TRPM3: variants seen among roughly 807,000 people sequenced by gnomAD.
The protein encoded by TRPM3 is transient receptor potential cation channel subfamily M member 3.
Under a neutral mutation model 181.2 loss-of-function variants are expected in TRPM3, and 77 were observed. The ratio of observed to expected loss-of-function variants is 0.42; its 90% confidence interval spans 0.35 to 0.51. The LOEUF is 0.51. Among genes scored for constraint, TRPM3 ranks in the 20% least tolerant of loss-of-function variants. The probability of loss-of-function intolerance (pLI) is 0.01; values close to 1 mark genes in which losing one functional copy is unlikely to be tolerated. For missense variants in TRPM3, 1,759 were observed against 2,196.7 expected, an observed-to-expected ratio of 0.80 and a Z score of 3.98; for synonymous variants, 745 against 796.4, an observed-to-expected ratio of 0.94 and a Z score of 1.09.
chr9:71,059,330 C>T lies in TRPM3; in HGVS notation c.177+61848G>A, dbSNP rs117046020. Among the ~76,000 whole-genome samples the T allele has an allele frequency of 4.9e-3, 745 of 151,984 alleles. 18 individuals are homozygous for T. In the East Asian group the frequency reaches 0.077, roughly 16 times the overall value. ...GTATATATGCCCAATGCAAACAAGT[C>T]AGTATAGTCTGGCTATTTATTAAAA... On this transcript the variant is annotated intron_variant, in intron 1 of 25. Coordinates refer to ENST00000677713, the MANE Select transcript of TRPM3 (RefSeq NM_001366145.2).
At chr9:71,194,727 T>C (rs189972204) in intron 1 of TRPM3, among the ~76,000 whole-genome samples, 15 of 152,056 alleles carry the variant, frequency 9.9e-5, no homozygotes, top group African/African-American at 1.4e-4. Flanking sequence ...AAATATGTTT[T>C]AGCCATAAAC....
At chr9:70,862,122 C>A (rs1474015257) in intron 3 of TRPM3, among the ~76,000 whole-genome samples, 1 of 152,066 alleles carries the variant, frequency 6.6e-6, no homozygotes, top group Non-Finnish European at 1.5e-5. Context: ...CCATGACACG[C>A]CTAAGAACAG....
intron 19 of TRPM3, among the ~76,000 whole-genome samples, chr9:70,610,161 ACG>A (rs1328126609): frequency 2.6e-5 from 4 of 151,412 alleles, no homozygotes; most frequent in Non-Finnish European, 4.4e-5. Context: ...ATGCACACAC[ACG>A]CATGCATACA....
intron 1 of TRPM3, among the ~76,000 whole-genome samples, chr9:71,279,751 GT>G (rs2132182850): frequency 6.6e-6 from 1 of 152,262 alleles, no homozygotes; most frequent in Non-Finnish European, 1.5e-5. Context: ...GCTGACTGAT[GT>G]TTTTTCAAAG....
At chr9:70,552,748 G>A in intron 24 of TRPM3, 96 bp downstream of exon 24, 9 of 1,286,032 alleles carry the variant, frequency 7.0e-6, no homozygotes, top group South Asian at 1.2e-5. Flanking sequence ...GCAAGAGGTA[G>A]GAGGAACTAG....
chr9:71,253,770 T>C (rs936837683), intron 1 of TRPM3, among the ~76,000 whole-genome samples: 6 of 152,276 alleles, frequency 3.9e-5, no homozygotes, highest in Admixed American at 2.0e-4. Flanking sequence ...CTTGCAGCAA[T>C]ATTCACAGTA....
At chr9:70,960,737 A>T (rs2097128405) in intron 1 of TRPM3, among the ~76,000 whole-genome samples, 1 of 152,166 alleles carries the variant, frequency 6.6e-6, no homozygotes, top group African/African-American at 2.4e-5. Flanking sequence ...CATACCAGAG[A>T]CATGCAAATG....
At chr9:71,432,227 C>T (rs2093965722) in intron 1 of TRPM3, among the ~76,000 whole-genome samples, 1 of 151,784 alleles carries the variant, frequency 6.6e-6, no homozygotes, top group South Asian at 2.1e-4. Context: ...ATCGGTGGAC[C>T]CAAAGGCCTC....
chr9:70,662,428 T>C (rs2061260015), intron 9 of TRPM3, among the ~76,000 whole-genome samples: 1 of 151,728 alleles, frequency 6.6e-6, no homozygotes, highest in Admixed American at 6.6e-5. Context: ...TGCTTCTTCA[T>C]AGCAAAAGAA....
chr9:70,581,309 A>G (rs562054796), intron 22 of TRPM3, among the ~76,000 whole-genome samples: 1 of 152,342 alleles, frequency 6.6e-6, no homozygotes, highest in East Asian at 1.9e-4. Flanking sequence ...ACTCATCTTG[A>G]ACCTTAGGCC....
chr9:71,121,286 C>A lies in TRPM3; in HGVS notation c.69G>T (p.Trp23Cys), dbSNP rs753334247. Residue 23 changes from tryptophan to cysteine, a missense_variant, in exon 1 of 26, where the codon TGG becomes TGT. Trp to Cys is a radical substitution (Grantham distance 215). Around this residue, in one of 8 missense-constraint regions of TRPM3, gnomAD observed 737 missense variants for 957.4 expected, o/e 0.77. Transcript: ENST00000677713. ...IAQVFSFLFS[W>C]WNLEGVMNQA... ...GATTCATGACCCCTTCCAAATTCCA[C>A]CAGGAAAACAAGAAACTGAAAACCT... 1 of 1,614,074 alleles carries A rather than the reference C, an allele frequency of 6.2e-7. No homozygotes were observed. The highest frequency in any genetic ancestry group is 8.5e-7 in the Non-Finnish European group (1 of 1,180,014).
intron 8 of TRPM3, among the ~76,000 whole-genome samples, chr9:70,686,741 C>CCTT: frequency 8.7e-6 from 1 of 115,492 alleles, no homozygotes. Flanking sequence ...TTCCTTCCTT[C>CCTT]CCTTCCTCCT....
intron 1 of TRPM3, among the ~76,000 whole-genome samples, chr9:71,227,701 A>G (rs2080775575): frequency 6.6e-6 from 1 of 152,150 alleles, no homozygotes; most frequent in African/African-American, 2.4e-5. Context: ...AGAGACTACT[A>G]TGTGCAACCA....
At chr9:71,438,412 G>A (rs1000284930) in intron 1 of TRPM3, among the ~76,000 whole-genome samples, 53 of 152,088 alleles carry the variant, frequency 3.5e-4, no homozygotes, top group Non-Finnish European at 7.5e-4. Flanking sequence ...GCTCATGCCT[G>A]TAATCCCAGC....
intron 1 of TRPM3, among the ~76,000 whole-genome samples, chr9:71,178,150 G>A (rs1453982666): frequency 4.6e-5 from 7 of 152,020 alleles, no homozygotes; most frequent in Admixed American, 3.9e-4. Flanking sequence ...GTGTAGCAAT[G>A]TGTACAAGGT....
rs112963450 is a variant in TRPM3, at chr9:71,134,022, C to T, written c.184-269511G>A. On this transcript the variant is annotated intron_variant, in intron 1 of 24. Transcript: ENST00000357533. ...GTGTGTGTGTGTGTGTGTGCGCGTG[C>T]GCGCGCGCGCGTGTCTGTGTTTGCA... Among the ~76,000 whole-genome samples the T allele has an allele frequency of 1.4e-3, 182 of 130,532 alleles. 1 individual carries two copies. Among genetic ancestry groups the T allele is most frequent in the African/African-American group, 4.8e-3 (160 of 33,644 alleles). The allele number at this position is 130,532 out of a possible 152,430, so 85.6% of individuals were successfully genotyped here.
At chr9:71,046,546 C>T (rs1292537379) in intron 1 of TRPM3, among the ~76,000 whole-genome samples, 1 of 152,108 alleles carries the variant, frequency 6.6e-6, no homozygotes, top group African/African-American at 2.4e-5. Context: ...TTCAGATAGC[C>T]CTCCAAAAGG....
At chr9:71,101,486 GC>G (rs1456037450) in intron 1 of TRPM3, among the ~76,000 whole-genome samples, 1 of 152,128 alleles carries the variant, frequency 6.6e-6, no homozygotes, top group Admixed American at 6.6e-5. Flanking sequence ...TGAAGACAGG[GC>G]TAGGAGAGTA....
rs548113052 is a variant in TRPM3 at position 70,921,970 on chromosome 9, C to T, written c.178-57459G>A. The stretch of plus-strand genomic sequence containing the variant: ...ACACACACACACACACACACACACA[C>T]ACACATATAGTTATTTTTGTGGTTC... On this transcript the variant is annotated intron_variant, in intron 1 of 25. Transcript: ENST00000677713. Among the ~76,000 whole-genome samples, 60 of 151,812 alleles carry T rather than the reference C, an allele frequency of 4.0e-4. No individual in the cohort carries two copies. In the South Asian group the frequency reaches 0.011, roughly 28 times the overall value.
Sources: allele counts gnomAD v4.1 joint callset (sites outside exome capture counted in the v4.1 genomes callset), GRCh38; gene constraint gnomAD v4.1.1; regional missense constraint gnomAD v4.1.1; transcripts MANE v1.5; gene names NCBI Gene and HGNC (gene_info 2026-07-23, HGNC 2026-07-21).